The following VRK2 variants were observed in gnomAD, a reference collection of about 807,000 sequenced individuals.
VRK2 encodes the protein VRK serine/threonine kinase 2.
A neutral mutation model predicts 57.6 loss-of-function variants in VRK2; 60 were observed. The ratio of observed to expected loss-of-function variants is 1.04; its 90% CI spans 0.85 to 1.29. VRK2 has a LOEUF of 1.29. Among genes scored for constraint, VRK2 ranks in the 50% most tolerant of loss-of-function variants. The pLI is 0.00. For missense variants in VRK2, 705 were observed against 588.1 expected (o/e 1.20, Z -2.06); for synonymous variants, 231 against 199.2 (o/e 1.16, Z -1.35).
At chr2:58,087,395 A>G (rs954197478) in intron 5 of VRK2, among the ~76,000 whole-genome samples, 1 of 152,216 alleles carries the variant, frequency 6.6e-6, no homozygotes, top group African/African-American at 2.4e-5. Context: ...CCATTAAAGA[A>G]GTCCATTAGA....
chr2:58,060,340 A>G (rs1027748429), intron 2 of VRK2, among the ~76,000 whole-genome samples: 22 of 151,924 alleles, frequency 1.4e-4, no homozygotes, highest in African/African-American at 5.1e-4. Flanking sequence ...ATTGACTATA[A>G]TAAAGAACTG....
intron 7 of VRK2, among the ~76,000 whole-genome samples, chr2:58,105,961 G>A (rs1217164527): frequency 6.6e-6 from 1 of 151,900 alleles, no homozygotes; most frequent in Non-Finnish European, 1.5e-5. Flanking sequence ...CATTTTGTGA[G>A]TGTCTGCTGT....
chr2:57,926,290 T>A (rs1346231978), intron 1 of VRK2, among the ~76,000 whole-genome samples: 1 of 151,870 alleles, frequency 6.6e-6, no homozygotes, highest in African/African-American at 2.4e-5. Context: ...TGATTTTCTG[T>A]CTGGATGATC....
In VRK2 at chr2:58,116,276, G is replaced by T. The variant is rs895877029; in HGVS notation, c.544-6825G>T. On this transcript the variant is annotated intron_variant, in intron 7 of 12. Coordinates refer to ENST00000340157, the MANE Select transcript of VRK2 (RefSeq NM_006296.7). ...CTTATACTTGTGGGTTAAGGTGGGGGAATACAAAAGGAGGACGCAAAGGAG... is the reference window on the plus strand; with the variant it reads ...CTTATACTTGTGGGTTAAGGTGGGGTAATACAAAAGGAGGACGCAAAGGAG... Among the ~76,000 whole-genome samples, 6 of 151,862 alleles carry T rather than the reference G, an allele frequency of 4.0e-5. No individual in the cohort carries two copies. The South Asian group carries it at 1.2e-3, about 31-fold the overall frequency.
chr2:58,059,280 G>T (rs140090950), intron 2 of VRK2, among the ~76,000 whole-genome samples: 15 of 152,048 alleles, frequency 9.9e-5, no homozygotes, highest in Admixed American at 9.8e-4. Flanking sequence ...AGATTTGTTG[G>T]ATTTTCATGC....
chr2:57,939,786 T>G (rs1027592619), intron 1 of VRK2, among the ~76,000 whole-genome samples: 2 of 152,182 alleles, frequency 1.3e-5, no homozygotes, highest in African/African-American at 2.4e-5. Context: ...TTGCTTGAAA[T>G]TAGGTAGAAC....
chr2:58,041,556 GA>G (rs1674456516), intron 3 of VRK2, among the ~76,000 whole-genome samples: 2 of 151,732 alleles, frequency 1.3e-5, no homozygotes, highest in South Asian at 2.1e-4. Context: ...ACCAGGCCCT[GA>G]AAAAAAATGA....
At position 58,146,454 on chromosome 2, in the gene VRK2, A is replaced by T. The variant is rs146208280; in HGVS notation, c.1162A>T (p.Met388Leu). 108 of 1,610,490 alleles carry T rather than the reference A, an allele frequency of 6.7e-5. No homozygotes were observed. In the African/African-American group the frequency reaches 1.2e-3, roughly 18 times the overall value. Residue 388 changes from methionine to leucine, a missense_variant, in exon 12 of 13, where the codon ATG becomes TTG. Physicochemically the swap from Met to Leu is conservative, Grantham distance 15. Transcript: ENST00000340157. ...GAAAGAGGAGAAACTGATTGGATTG[A>T]TGAACAATGAAGCAGCTCAGGTGAG... ...VQKEEKLIGL[M>L]NNEAAQESTR...
At chr2:57,989,061 C>T (rs191921132) in intron 1 of VRK2, among the ~76,000 whole-genome samples, 1 of 152,130 alleles carries the variant, frequency 6.6e-6, no homozygotes, top group African/African-American at 2.4e-5. Flanking sequence ...CTGAACATAG[C>T]AACCCTTACT....
intron 1 of VRK2, among the ~76,000 whole-genome samples, chr2:58,010,407 T>C (rs1405128300): frequency 3.3e-5 from 5 of 152,108 alleles, no homozygotes; most frequent in Non-Finnish European, 7.4e-5. Flanking sequence ...AACTCCCTAT[T>C]TTTTTTCTAA....
intron 1 of VRK2, among the ~76,000 whole-genome samples, chr2:57,985,382 C>T (rs1672563569): frequency 6.6e-6 from 1 of 151,962 alleles, no homozygotes; most frequent in African/African-American, 2.4e-5. Flanking sequence ...ATTTCTGTGG[C>T]TATTTTGTAA....
At chr2:58,108,733 T>C (rs1212530249) in intron 7 of VRK2, among the ~76,000 whole-genome samples, 1 of 152,184 alleles carries the variant, frequency 6.6e-6, no homozygotes, top group Non-Finnish European at 1.5e-5. Context: ...TCATAGACTT[T>C]TATGCTTTTG....
Position 58,075,560 on chromosome 2 carries a change from C to CT in VRK2, c.137-8524dup, listed in dbSNP as rs1669983053. On this transcript the variant is annotated intron_variant, in intron 2 of 12. Transcript: ENST00000340157. The stretch of plus-strand genomic sequence containing the variant: ...CTCGCCAACATCTATTGTTTTTTGA[C>CT]TTTTTAATAATAGTCATCCTGACTG... Among the ~76,000 whole-genome samples, 4 of 152,194 alleles carry CT rather than the reference C, an allele frequency of 2.6e-5. No homozygotes were observed. In the South Asian group the frequency reaches 8.3e-4, roughly 32 times the overall value.
chr2:58,097,015 T>C (rs1673242597), intron 7 of VRK2, among the ~76,000 whole-genome samples: 1 of 152,096 alleles, frequency 6.6e-6, no homozygotes, highest in African/African-American at 2.4e-5. Context: ...CACAATATTA[T>C]TATGATATTG....
intron 1 of VRK2, among the ~76,000 whole-genome samples, chr2:57,933,164 A>G (rs887534761): frequency 4.6e-5 from 7 of 151,964 alleles, no homozygotes; most frequent in African/African-American, 9.7e-5. Flanking sequence ...GGATGAAATG[A>G]TCTGTATATG....
chr2:58,028,899 A>ATATATATATAT (rs1674021434), intron 2 of VRK2, among the ~76,000 whole-genome samples: 1 of 80,864 alleles, frequency 1.2e-5, no homozygotes, highest in African/African-American at 4.5e-5. Context: ...TAAATAAATA[A>ATATATATATAT]ATAAATATAT....
At chr2:58,132,429 G>T (rs1429956095) in intron 9 of VRK2, among the ~76,000 whole-genome samples, 1 of 152,132 alleles carries the variant, frequency 6.6e-6, no homozygotes, top group Non-Finnish European at 1.5e-5. Flanking sequence ...ATTTATATGA[G>T]ATAATCTTGT....
At chr2:57,973,307 C>G (rs144759535) in intron 1 of VRK2, among the ~76,000 whole-genome samples, 129 of 151,816 alleles carry the variant, frequency 8.5e-4, no homozygotes, top group African/African-American at 2.9e-3. Context: ...CAAGCAAATG[C>G]AAGTACAAAA....
chr2:57,944,956 C>T (rs1005059576), intron 1 of VRK2, among the ~76,000 whole-genome samples: 3 of 152,074 alleles, frequency 2.0e-5, no homozygotes, highest in African/African-American at 7.2e-5. Context: ...TAGAAAGAAT[C>T]TTGTGAATTA....
Sources: gnomAD v4.1 joint callset for allele counts (sites outside exome capture counted in the v4.1 genomes callset) on GRCh38, gnomAD v4.1.1 for gene constraint, MANE v1.5 for transcripts, NCBI Gene and HGNC (gene_info 2026-07-23, HGNC 2026-07-21) for gene names.